Variants in PDE1C observed in about 807,000 individuals in gnomAD.
PDE1C encodes the protein dual specificity calcium/calmodulin-dependent 3',5'-cyclic nucleotide phosphodiesterase 1C.
PDE1C carries 62 observed loss-of-function variants against 93.1 expected under a neutral mutation model. That is an observed-to-expected ratio of 0.67 (90% confidence interval 0.54 to 0.82). PDE1C has a LOEUF of 0.82. Ranked by LOEUF, PDE1C falls within the 40% of genes least tolerant of loss-of-function variation. The pLI is 0.00. For synonymous variants in PDE1C, 325 were observed against 310.1 expected (o/e 1.05, Z -0.50); for missense variants, 742 against 884.6 (o/e 0.84, Z 2.04).
chr7:31,838,653 C>T (rs1791421705), intron 9 of PDE1C, among the ~76,000 whole-genome samples: 1 of 152,136 alleles, frequency 6.6e-6, no homozygotes, highest in Non-Finnish European at 1.5e-5. Context: ...ATTCAGCACC[C>T]TAAAATCCCC....
At chr7:32,307,791 T>A (rs1429668573) in intron 1 of PDE1C, among the ~76,000 whole-genome samples, 1 of 152,180 alleles carries the variant, frequency 6.6e-6, no homozygotes, top group East Asian at 1.9e-4. Context: ...AGTCTACAAC[T>A]CCCAGCATAA....
the PDE1C span, among the ~76,000 whole-genome samples, chr7:31,627,722 A>G: frequency 6.6e-6 from 1 of 151,750 alleles, no homozygotes; most frequent in Middle Eastern, 3.2e-3. Context: ...ACTAAACTTG[A>G]CAGAATGGAA....
chr7:32,410,801 G>C (rs1376135994), intron 1 of PDE1C, among the ~76,000 whole-genome samples: 2 of 152,242 alleles, frequency 1.3e-5, no homozygotes, highest in Admixed American at 1.3e-4. Context: ...GCTCTCACAG[G>C]CCCTTGATAA....
chr7:31,787,738 T>C (rs1312425342), intron 16 of PDE1C: 1 of 152,170 alleles, frequency 6.6e-6, no homozygotes, highest in Non-Finnish European at 1.5e-5. Flanking sequence ...AAATTGCTGC[T>C]CAACTTGAAG....
At chr7:31,631,898 G>A in the PDE1C span, among the ~76,000 whole-genome samples, 8 of 152,158 alleles carry the variant, frequency 5.3e-5, no homozygotes, top group African/African-American at 1.7e-4. Flanking sequence ...GTTTTAGGAT[G>A]AGAGTCAAGA....
At chr7:31,827,595 A>T (rs926948181) in intron 12 of PDE1C, among the ~76,000 whole-genome samples, 8 of 152,070 alleles carry the variant, frequency 5.3e-5, no homozygotes, top group African/African-American at 1.9e-4. Context: ...TATACATTAT[A>T]AAAAAAGCAT....
At chr7:31,620,200 C>G in the PDE1C span, among the ~76,000 whole-genome samples, 18,088 of 152,138 alleles carry the variant, frequency 0.12, 1,217 homozygotes, top group Middle Eastern at 0.17. Flanking sequence ...AACAAAAAGA[C>G]AGCAGTAACC....
chr7:31,672,202 A>G, the PDE1C span, among the ~76,000 whole-genome samples: 1 of 152,172 alleles, frequency 6.6e-6, no homozygotes, highest in South Asian at 2.1e-4. Flanking sequence ...TGAATGTCAG[A>G]AAAACTGCTT....
chr7:32,426,828 T>C (rs997405988), intron 1 of PDE1C, among the ~76,000 whole-genome samples: 1 of 152,200 alleles, frequency 6.6e-6, no homozygotes, highest in African/African-American at 2.4e-5. Flanking sequence ...TAAGTTAAAC[T>C]GTAAGCCAGT....
At chr7:31,727,878 C>T in the PDE1C span, among the ~76,000 whole-genome samples, 1 of 151,986 alleles carries the variant, frequency 6.6e-6, no homozygotes, top group African/African-American at 2.4e-5. Flanking sequence ...CTCGTCTTTA[C>T]TAAAAATACA....
chr7:31,943,052 C>A (rs1005299385), intron 2 of PDE1C, among the ~76,000 whole-genome samples: 1 of 152,102 alleles, frequency 6.6e-6, no homozygotes, highest in East Asian at 1.9e-4. Context: ...GAGAAAGGAA[C>A]CCTGGAAATT....
At chr7:31,735,707 G>A in the PDE1C span, among the ~76,000 whole-genome samples, 12 of 152,162 alleles carry the variant, frequency 7.9e-5, no homozygotes, top group African/African-American at 2.4e-4. Flanking sequence ...AGTAGAAGGT[G>A]AAAAAACAAC....
chr7:31,803,081 T>A (rs1786276828), intron 16 of PDE1C, among the ~76,000 whole-genome samples: 1 of 151,858 alleles, frequency 6.6e-6, no homozygotes. Context: ...TTTTATTCTT[T>A]TTTTCTATTT....
At chr7:32,045,818 G>A (rs898853315) in intron 2 of PDE1C, among the ~76,000 whole-genome samples, 8 of 152,160 alleles carry the variant, frequency 5.3e-5, no homozygotes, top group African/African-American at 1.9e-4. Context: ...TGCTTAGCAG[G>A]CAGCCTCCCA....
At chr7:32,281,376 T>A (rs1483439615) in intron 1 of PDE1C, among the ~76,000 whole-genome samples, 1 of 152,182 alleles carries the variant, frequency 6.6e-6, no homozygotes, top group Admixed American at 6.5e-5. Context: ...AAAGGCTGAA[T>A]AGCCTTAATT....
the PDE1C span, among the ~76,000 whole-genome samples, chr7:31,648,537 C>T: frequency 4.6e-5 from 7 of 152,152 alleles, no homozygotes; most frequent in African/African-American, 1.7e-4. Context: ...TCTCAGAGAG[C>T]AAACACTCCA....
chr7:31,996,066 GACACACACACACACACACACACACACAC>G (rs3078631), intron 2 of PDE1C, among the ~76,000 whole-genome samples: 1 of 138,560 alleles, frequency 7.2e-6, no homozygotes, highest in Non-Finnish European at 1.6e-5. Flanking sequence ...TACGCTTCCG[GACACACACACACACACACACACACACAC>G]ACACACACAC....
chr7:31,730,586 A>G, the PDE1C span, among the ~76,000 whole-genome samples: 3 of 152,236 alleles, frequency 2.0e-5, no homozygotes, highest in Non-Finnish European at 4.4e-5. Context: ...ATAAACATTT[A>G]CTAAATGCCT....
At chr7:32,073,644 C>T (rs190696272), upstream of PDE1C, among the ~76,000 whole-genome samples, 42 of 152,286 alleles carry the variant, frequency 2.8e-4, no homozygotes, top group Non-Finnish European at 7.4e-5. Context: ...TCCTAAACCA[C>T]ATTAGAAAAC....
Sources: gnomAD v4.1 joint callset for allele counts (sites outside exome capture counted in the v4.1 genomes callset) on GRCh38, gnomAD v4.1.1 for gene constraint, MANE v1.5 for transcripts, NCBI Gene and HGNC (gene_info 2026-07-23, HGNC 2026-07-21) for gene names.